AFF1: variants seen among roughly 807,000 people sequenced by gnomAD.
AFF1 encodes ALF transcription elongation factor 1.
Under a neutral mutation model 121.7 loss-of-function variants are expected in AFF1, and 48 were observed. The observed-to-expected ratio is 0.39, with a 90% CI of 0.31 to 0.50. The LOEUF (loss-of-function observed/expected upper bound fraction) is 0.50. Ranked by LOEUF, AFF1 falls within the 20% of genes least tolerant of loss-of-function variation. AFF1 has a pLI of 0.76. For missense variants in AFF1, 1,523 were observed against 1,511.7 expected (o/e 1.01, Z -0.12); for synonymous variants, 613 against 563.0 (o/e 1.09, Z -1.26).
At chr4:87,005,220 C>G (rs1455300079) in intron 2 of AFF1, among the ~76,000 whole-genome samples, 1 of 152,232 alleles carries the variant, frequency 6.6e-6, no homozygotes, top group Non-Finnish European at 1.5e-5. Context: ...CTTAAGCGAT[C>G]TGCCTGCCTT....
At chr4:86,965,704 T>C (rs929614713) in intron 2 of AFF1, among the ~76,000 whole-genome samples, 4 of 152,188 alleles carry the variant, frequency 2.6e-5, no homozygotes, top group Non-Finnish European at 5.9e-5. Flanking sequence ...GTTGAGGCTT[T>C]GGATTTGCTG....
At chr4:87,110,929 A>C (rs1243981767) in intron 11 of AFF1, among the ~76,000 whole-genome samples, 2 of 152,188 alleles carry the variant, frequency 1.3e-5, no homozygotes, top group African/African-American at 4.8e-5. Flanking sequence ...GATCCTCTAA[A>C]CAAAGATAAA....
At chr4:87,092,732 G>T (rs1019139319) in intron 7 of AFF1, among the ~76,000 whole-genome samples, 1 of 152,172 alleles carries the variant, frequency 6.6e-6, no homozygotes, top group Non-Finnish European at 1.5e-5. Context: ...TTGCAAAGAA[G>T]TCATAACTAA....
At chr4:86,960,604 A>G (rs1029387594) in intron 2 of AFF1, among the ~76,000 whole-genome samples, 7 of 152,256 alleles carry the variant, frequency 4.6e-5, no homozygotes, top group Non-Finnish European at 7.3e-5. Context: ...ACGTTTAACC[A>G]AAACTAAAGT....
At chr4:86,941,344 C>G (rs1306559269) in intron 1 of AFF1, among the ~76,000 whole-genome samples, 1 of 151,676 alleles carries the variant, frequency 6.6e-6, no homozygotes, top group Non-Finnish European at 1.5e-5. Context: ...GATCTCGTCT[C>G]CACAAAAGTT....
At chr4:87,093,185 C>T (rs1724487689) in intron 7 of AFF1, among the ~76,000 whole-genome samples, 1 of 152,174 alleles carries the variant, frequency 6.6e-6, no homozygotes, top group African/African-American at 2.4e-5. Flanking sequence ...GGGTCAATTC[C>T]TTGTTACTCT....
In AFF1 at chr4:86,983,212, G is replaced by A. The variant is rs188941866; in HGVS notation, c.38+34641G>A. Among the ~76,000 whole-genome samples, 167 of 152,212 alleles carry A rather than the reference G, an allele frequency of 1.1e-3. 3 individuals carry two copies. The highest frequency in any genetic ancestry group is 3.9e-4 in the East Asian group (2 of 5,180). On this transcript the variant is annotated intron_variant, in intron 2 of 20. Coordinates refer to ENST00000395146, the MANE Select transcript of AFF1 (RefSeq NM_001166693.3). Reference sequence around the variant, plus strand: ...TTAAGACCAGCCTGGCCAACATGATGAAACCCTCTCTCTACTAAAAATACT... The same window carrying A: ...TTAAGACCAGCCTGGCCAACATGATAAAACCCTCTCTCTACTAAAAATACT...
chr4:87,105,570 G>T, intron 8 of AFF1, 58 bp from the exon 9 acceptor site: 1 of 1,596,956 alleles, frequency 6.3e-7, no homozygotes, highest in Middle Eastern at 1.7e-4. Context: ...TTACATGCTA[G>T]AAAAGTTGTT....
intron 2 of AFF1, among the ~76,000 whole-genome samples, chr4:86,976,989 C>T (rs2149486005): frequency 6.6e-6 from 1 of 152,262 alleles, no homozygotes; most frequent in Non-Finnish European, 1.5e-5. Context: ...AGCAAGTGCC[C>T]AATAAATGCA....
At position 87,114,608 on chromosome 4, in the gene AFF1, G is replaced by C. The variant is rs1040253856; in HGVS notation, c.1775G>C (p.Cys592Ser). 7.5e-6 allele frequency: 12 copies of C among 1,603,354 alleles called. No individual in the cohort carries two copies. The highest frequency in any genetic ancestry group is 1.4e-5 in the African/African-American group (1 of 71,190). The stretch of plus-strand genomic sequence containing the variant: ...GCCCCCCACCCCGGAAAGAGGAGCT[G>C]TCAGAAGTCTCCGGCACAGCAGGAG... ...PEAPHPGKRS[C>S]QKSPAQQEPP... The change falls in exon 12 of 21, where the codon TGT becomes TCT. Residue 592 changes from cysteine (C) to serine (S), a missense_variant. Around this residue, in one of 5 missense-constraint regions of AFF1, gnomAD observed 905 missense variants for 842.5 expected, o/e 1.07. Transcript: ENST00000395146.
rs529199018 is a variant in AFF1, at chr4:86,980,955, C to A, written c.38+32384C>A. ...TTTGCGAGGCTTGAGGCACCCCCCC[C>A]CTCCACCAAAAAAAAGGAAAGTAAC... On this transcript the variant is annotated intron_variant, in intron 2 of 20. Transcript: ENST00000395146. 6.7e-3 allele frequency among the ~76,000 whole-genome samples: 923 copies of A among 136,846 alleles called. 77 individuals are homozygous for A. Among genetic ancestry groups the A allele is most frequent in the Middle Eastern group, 0.032 (9 of 282 alleles). 89.8% of individuals were successfully genotyped at this position (136,846 alleles called of 152,430 possible). A position where few individuals can be genotyped will look rare whatever the true frequency, so the allele number is the denominator to read the frequency against.
At chr4:87,134,785 G>C (rs1729163086) in intron 20 of AFF1, 91 bp downstream of exon 20, 1 of 1,117,642 alleles carries the variant, frequency 8.9e-7, no homozygotes, top group African/African-American at 1.6e-5. Flanking sequence ...CAGTTTCTTG[G>C]AGAAAAGGGA....
chr4:86,951,610 TTTTTCTTTTTTTC>T (rs1388894797), intron 2 of AFF1, among the ~76,000 whole-genome samples: 43 of 109,298 alleles, frequency 3.9e-4, no homozygotes, highest in Admixed American at 1.5e-3. Context: ...TTCTTTTTCT[TTTTTCTTTTTTTC>T]TTTTTTTTTT....
rs143687326 is a variant in AFF1, at chr4:87,054,533, T to C, written c.1059+6939T>C. On this transcript the variant is annotated intron_variant, in intron 4 of 20. Coordinates refer to ENST00000395146, the MANE Select transcript of AFF1 (RefSeq NM_001166693.3). ...TTTCAGGTTCCGTTTTCTAAAAATG[T>C]TTTATTATGGTAACTCTAGATTCCG... is the stretch of plus-strand genomic sequence containing the variant. 5.9e-3 allele frequency among the ~76,000 whole-genome samples: 904 copies of C among 152,308 alleles called. 8 individuals carry two copies. The highest frequency in any genetic ancestry group is 0.021 in the African/African-American group (863 of 41,570).
chr4:87,130,544 G>C (rs1265345498), intron 16 of AFF1, among the ~76,000 whole-genome samples: 1 of 152,162 alleles, frequency 6.6e-6, no homozygotes, highest in East Asian at 1.9e-4. Context: ...TGTTACCCCT[G>C]TTGGCCTCGG....
At chr4:87,072,320 A>T (rs1227867298) in intron 4 of AFF1, among the ~76,000 whole-genome samples, 2 of 146,552 alleles carry the variant, frequency 1.4e-5, no homozygotes, top group African/African-American at 2.5e-5. Flanking sequence ...CCAAGATCAC[A>T]CCACTGCACT....
At chr4:86,980,978 A>G (rs1723706264) in intron 2 of AFF1, among the ~76,000 whole-genome samples, 1 of 144,336 alleles carries the variant, frequency 6.9e-6, no homozygotes, top group Non-Finnish European at 1.5e-5. Context: ...AAAGGAAAGT[A>G]ACAATGAACA....
intron 2 of AFF1, among the ~76,000 whole-genome samples, chr4:86,959,137 A>G (rs972368215): frequency 3.3e-5 from 5 of 152,216 alleles, no homozygotes; most frequent in Non-Finnish European, 7.3e-5. Context: ...TAGTGCTGAG[A>G]TTGAGAAACT....
At chr4:87,063,226 C>CCCTTTTTTTTTTT (rs1720960529) in intron 4 of AFF1, among the ~76,000 whole-genome samples, 1 of 49,884 alleles carries the variant, frequency 2.0e-5, no homozygotes, top group Non-Finnish European at 4.7e-5. Flanking sequence ...GTAGATTCAC[C>CCCTTTTTTTTTTT]TCTTTTTTTT....
Sources: allele counts gnomAD v4.1 joint callset (sites outside exome capture counted in the v4.1 genomes callset), GRCh38; gene constraint gnomAD v4.1.1; regional missense constraint gnomAD v4.1.1; transcripts MANE v1.5; gene names NCBI Gene and HGNC (gene_info 2026-07-23, HGNC 2026-07-21).